The following AGBL4 variants were observed in gnomAD, a reference collection of about 807,000 sequenced individuals.
AGBL4 encodes AGBL carboxypeptidase 4, also known as cytosolic carboxypeptidase 6.
Under a neutral mutation model 66.4 loss-of-function variants are expected in AGBL4, and 58 were observed. That is an observed-to-expected ratio of 0.87 (90% CI 0.71 to 1.09). The LOEUF (loss-of-function observed/expected upper bound fraction) is 1.09, where lower values mean the gene tolerates loss of function less well. Among genes scored for constraint, AGBL4 ranks in the 50% least tolerant of loss-of-function variants. The probability of loss-of-function intolerance (pLI) is 0.00; values close to 1 mark genes in which losing one functional copy is unlikely to be tolerated. For synonymous variants in AGBL4, 234 were observed against 222.9 expected, an observed-to-expected ratio of 1.05 and a Z score of -0.44; for missense variants, 579 against 631.0, an observed-to-expected ratio of 0.92 and a Z score of 0.88.
chr1:48,778,949 G>T (rs777534986), intron 6 of AGBL4, among the ~76,000 whole-genome samples: 2 of 152,050 alleles, frequency 1.3e-5, no homozygotes, highest in Non-Finnish European at 2.9e-5. Context: ...GCAGCTGTTG[G>T]TCTTATCTTG....
intron 3 of AGBL4, among the ~76,000 whole-genome samples, chr1:49,367,915 C>T (rs77086188): frequency 0.015 from 2,310 of 152,190 alleles, 55 homozygotes; most frequent in African/African-American, 0.051. Flanking sequence ...GTATTCATTC[C>T]TCATCGCCCC....
chr1:49,439,550 C>A (rs771080717), intron 3 of AGBL4, among the ~76,000 whole-genome samples: 1 of 152,028 alleles, frequency 6.6e-6, no homozygotes, highest in Admixed American at 6.6e-5. Context: ...TTGAAGGATG[C>A]GAAGTACCGA....
At chr1:48,664,267 T>C (rs1200214910) in intron 6 of AGBL4, among the ~76,000 whole-genome samples, 1 of 152,182 alleles carries the variant, frequency 6.6e-6, no homozygotes, top group Non-Finnish European at 1.5e-5. Context: ...CTTGATTCTT[T>C]GTTGGATGTG....
At chr1:49,088,961 T>C (rs1644954755) in intron 4 of AGBL4, among the ~76,000 whole-genome samples, 1 of 151,840 alleles carries the variant, frequency 6.6e-6, no homozygotes, top group Non-Finnish European at 1.5e-5. Context: ...CTCAAAACCA[T>C]ACAATTACAT....
At chr1:49,935,314 T>C (rs1012857023) in intron 1 of AGBL4, among the ~76,000 whole-genome samples, 1 of 152,170 alleles carries the variant, frequency 6.6e-6, no homozygotes, top group Non-Finnish European at 1.5e-5. Flanking sequence ...CTTGCTTAGA[T>C]AAACAAAGCA....
chr1:49,479,353 A>G (rs1646908356), intron 3 of AGBL4, among the ~76,000 whole-genome samples: 1 of 151,876 alleles, frequency 6.6e-6, no homozygotes, highest in Non-Finnish European at 1.5e-5. Flanking sequence ...GGTATGTTAC[A>G]TAGGTAAACC....
chr1:49,942,220 G>T lies in AGBL4; in HGVS notation c.34+81543C>A, dbSNP rs557249600. ...CACAAATAAATATAAACCTCATGTCGATAGACCGGGAAAATTAATATTGCC... is the reference window on the plus strand; with the variant it reads ...CACAAATAAATATAAACCTCATGTCTATAGACCGGGAAAATTAATATTGCC... On this transcript the variant is annotated intron_variant, in intron 1 of 13. Coordinates refer to ENST00000371839, the MANE Select transcript of AGBL4 (RefSeq NM_032785.4). Among the ~76,000 whole-genome samples the T allele has an allele frequency of 2.0e-5, 3 of 152,052 alleles. No homozygotes were observed. In the East Asian group the frequency reaches 5.8e-4, roughly 29 times the overall value.
At position 49,926,383 on chromosome 1, in the gene AGBL4, C is replaced by T. The variant is rs116901861; in HGVS notation, c.35-74865G>A. 2.0e-5 allele frequency among the ~76,000 whole-genome samples: 3 copies of T among 152,228 alleles called. No homozygotes were observed. In the East Asian group the frequency reaches 5.8e-4, roughly 30 times the overall value. On this transcript the variant is annotated intron_variant, in intron 1 of 13. Coordinates refer to ENST00000371839, the MANE Select transcript of AGBL4 (RefSeq NM_032785.4). The stretch of plus-strand genomic sequence containing the variant: ...GACCGAAAACTTAGATCACAATACC[C>T]AAGTCCCTTTGAATACCTGAAAAGC...
At chr1:49,822,544 G>A (rs1321245533) in intron 2 of AGBL4, among the ~76,000 whole-genome samples, 1 of 152,052 alleles carries the variant, frequency 6.6e-6, no homozygotes, top group Admixed American at 6.6e-5. Context: ...GGCTGGTCTT[G>A]AGCTCCTGAC....
chr1:49,001,067 G>T (rs1435353820), intron 5 of AGBL4, among the ~76,000 whole-genome samples: 1 of 152,126 alleles, frequency 6.6e-6, no homozygotes, highest in Admixed American at 6.5e-5. Context: ...GATTCTAAGT[G>T]GGACCAAATT....
At chr1:49,598,434 G>A (rs1336581813) in intron 3 of AGBL4, among the ~76,000 whole-genome samples, 1 of 152,192 alleles carries the variant, frequency 6.6e-6, no homozygotes, top group African/African-American at 2.4e-5. Context: ...CCTTCTAACA[G>A]ACAGGACCTT....
chr1:49,191,974 A>G (rs377281152), intron 4 of AGBL4, among the ~76,000 whole-genome samples: 1 of 152,154 alleles, frequency 6.6e-6, no homozygotes, highest in African/African-American at 2.4e-5. Context: ...TTCATTATAT[A>G]CCTAGAAATG....
chr1:49,680,176 G>A (rs1263748069), intron 3 of AGBL4, among the ~76,000 whole-genome samples: 5 of 149,358 alleles, frequency 3.3e-5, no homozygotes, highest in Non-Finnish European at 5.9e-5. Context: ...TCAGTCTCCC[G>A]AGTAGCTGGG....
intron 1 of AGBL4, among the ~76,000 whole-genome samples, chr1:49,879,584 G>T (rs1034911635): frequency 1.0e-4 from 15 of 147,722 alleles, no homozygotes; most frequent in South Asian, 2.2e-4. Context: ...CTCTCTGGCT[G>T]CCCTTAACAT....
chr1:49,132,766 T>C (rs1424826710), intron 4 of AGBL4, among the ~76,000 whole-genome samples: 1 of 152,118 alleles, frequency 6.6e-6, no homozygotes, highest in Non-Finnish European at 1.5e-5. Flanking sequence ...TGTGGAGAAA[T>C]AGGAATGTTT....
At chr1:49,782,653 G>A (rs1644364350) in intron 2 of AGBL4, among the ~76,000 whole-genome samples, 1 of 152,212 alleles carries the variant, frequency 6.6e-6, no homozygotes, top group African/African-American at 2.4e-5. Context: ...TTGGTAAGTG[G>A]GGTCTAATGA....
In AGBL4 at chr1:49,698,321, C is replaced by T. The variant is rs1343164; in HGVS notation, c.158-884G>A. On this transcript the variant is annotated intron_variant, in intron 2 of 13. Coordinates refer to ENST00000371839, the MANE Select transcript of AGBL4 (RefSeq NM_032785.4). ...AAATTTATTTCTATGCCAACTACTA[C>T]GAACACTAGTTGAAATTAACGTACA... Among the ~76,000 whole-genome samples the T allele has an allele frequency of 8.0e-3, 1,221 of 152,182 alleles. 9 individuals carry two copies. Among genetic ancestry groups the T allele is most frequent in the Middle Eastern group, 0.031 (9 of 294 alleles).
At chr1:48,605,495 G>A (rs1282363901) in intron 9 of AGBL4, among the ~76,000 whole-genome samples, 1 of 152,062 alleles carries the variant, frequency 6.6e-6, no homozygotes, top group Non-Finnish European at 1.5e-5. Flanking sequence ...TTCCTCTAAA[G>A]GCTTCCCTAC....
chr1:48,788,830 T>G (rs1379263441), intron 6 of AGBL4, among the ~76,000 whole-genome samples: 1 of 152,244 alleles, frequency 6.6e-6, no homozygotes, highest in Non-Finnish European at 1.5e-5. Flanking sequence ...CTCTGATTAA[T>G]GCTTGGGATA....
Sources: allele counts gnomAD v4.1 joint callset (sites outside exome capture counted in the v4.1 genomes callset), GRCh38; gene constraint gnomAD v4.1.1; transcripts MANE v1.5; gene names NCBI Gene and HGNC (gene_info 2026-07-23, HGNC 2026-07-21).